PDE8A: variants seen among roughly 807,000 people sequenced by gnomAD.
PDE8A encodes phosphodiesterase 8A, also known as high affinity cAMP-specific and IBMX-insensitive 3',5'-cyclic phosphodiesterase 8A.
In PDE8A, 59 loss-of-function variants were observed where a neutral mutation model predicts 105.0. The observed-to-expected ratio is 0.56, with a 90% CI of 0.46 to 0.70. The LOEUF (loss-of-function observed/expected upper bound fraction) is 0.70, where lower values mean the gene tolerates loss of function less well. PDE8A is among the 30% of genes least tolerant of loss of function. PDE8A has a pLI of 0.00. For synonymous variants in PDE8A, 355 were observed against 371.9 expected (o/e 0.95, Z 0.52); for missense variants, 1,014 against 1,045.9 (o/e 0.97, Z 0.42).
intron 1 of PDE8A, among the ~76,000 whole-genome samples, chr15:85,033,913 TA>T (rs1649173345): frequency 6.6e-6 from 1 of 151,950 alleles, no homozygotes; most frequent in African/African-American, 2.4e-5. Context: ...AGGAAACAAA[TA>T]GTGGAGAAAA....
At chr15:85,136,486 A>C in intron 20 of PDE8A, 48 bp from the exon 21 acceptor site, 2 of 1,583,572 alleles carry the variant, frequency 1.3e-6, no homozygotes, top group Non-Finnish European at 1.7e-6. Flanking sequence ...CCCTAGGTGG[A>C]GTGGAACCAG....
intron 1 of PDE8A, among the ~76,000 whole-genome samples, chr15:85,033,790 G>A (rs2080656677): frequency 6.6e-6 from 1 of 152,144 alleles, no homozygotes; most frequent in Admixed American, 6.5e-5. Context: ...GCTTGAACCT[G>A]GGAGGCAGAG....
chr15:84,988,941 G>A (rs2079844829), intron 1 of PDE8A, among the ~76,000 whole-genome samples: 1 of 152,208 alleles, frequency 6.6e-6, no homozygotes, highest in East Asian at 1.9e-4. Flanking sequence ...CATGTTCCAC[G>A]AGTCTATCTC....
Position 85,138,051 on chromosome 15 carries a change from C to A in PDE8A, c.*148C>A, listed in dbSNP as rs899303823. 3.5e-6 allele frequency: 2 copies of A among 571,286 alleles called. No homozygotes were observed. The highest frequency in any genetic ancestry group is 6.3e-6 in the Non-Finnish European group (2 of 318,718). 35.4% of individuals were successfully genotyped at this position (571,286 alleles called of 1,614,324 possible). Reference sequence around the variant, plus strand: ...TGAAAGCCCACGGGGACATCAGTAACCTTCTGCAGCCACCATCCAATGCCA... The same window carrying A: ...TGAAAGCCCACGGGGACATCAGTAAACTTCTGCAGCCACCATCCAATGCCA... On this transcript the variant is annotated 3_prime_UTR_variant, in exon 22 of 22. Coordinates refer to ENST00000394553, the MANE Select transcript of PDE8A (RefSeq NM_002605.3).
At chr15:85,082,272 A>G (rs1400280413) in intron 5 of PDE8A, among the ~76,000 whole-genome samples, 1 of 152,140 alleles carries the variant, frequency 6.6e-6, no homozygotes, top group South Asian at 2.1e-4. Flanking sequence ...GCCTATAGGT[A>G]TAAGGTTTAT....
chr15:85,106,186 C>G (rs555141316), intron 11 of PDE8A, among the ~76,000 whole-genome samples: 41 of 152,188 alleles, frequency 2.7e-4, no homozygotes, highest in Non-Finnish European at 5.0e-4. Context: ...ACTGCTCCAT[C>G]TGCACAAGCA....
rs143386702 is a variant in PDE8A at position 85,126,335 on chromosome 15, C to T, written c.2214C>T (p.Ile738=). The change falls in exon 20 of 22, where the codon ATC becomes ATT. Residue 738 remains isoleucine (I), a synonymous_variant. Transcript: ENST00000394553. ...SNPCRPLQYC[I]EWAARISEEY... is the part of the protein sequence containing the mutation. ...CCTGCCGACCCCTGCAGTACTGCAT[C>T]GAGTGGGCTGCACGCATTTCGGAAG... The T allele has an allele frequency of 1.2e-4, 188 of 1,604,680 alleles. No homozygotes were observed. The African/African-American group carries it at 1.7e-3, about 15-fold the overall frequency.
chr15:85,020,820 C>T (rs2080413204), intron 1 of PDE8A, among the ~76,000 whole-genome samples: 1 of 152,096 alleles, frequency 6.6e-6, no homozygotes, highest in Admixed American at 6.5e-5. Flanking sequence ...CCCGATGCCC[C>T]TTTACATCCC....
At chr15:85,050,247 T>A (rs2080951962) in intron 1 of PDE8A, among the ~76,000 whole-genome samples, 1 of 152,230 alleles carries the variant, frequency 6.6e-6, no homozygotes, top group Non-Finnish European at 1.5e-5. Flanking sequence ...GCAATTACTT[T>A]TTCCAGTTCT....
chr15:85,136,506 T>C (rs1482223893), intron 20 of PDE8A, 28 bp from the exon 21 acceptor site: 5 of 1,599,190 alleles, frequency 3.1e-6, no homozygotes, highest in Admixed American at 3.4e-5. Context: ...GATGTTGGGG[T>C]CTCCTGATCA....
At chr15:85,058,206 G>A (rs957722100) in intron 1 of PDE8A, among the ~76,000 whole-genome samples, 3 of 152,080 alleles carry the variant, frequency 2.0e-5, no homozygotes, top group African/African-American at 7.2e-5. Flanking sequence ...TTAGCCTCCT[G>A]AGTAGCTACG....
At chr15:85,057,312 G>T (rs1188986959) in intron 1 of PDE8A, among the ~76,000 whole-genome samples, 1 of 152,148 alleles carries the variant, frequency 6.6e-6, no homozygotes, top group Non-Finnish European at 1.5e-5. Flanking sequence ...CTCCGTGCTG[G>T]GAGGACCACT....
At chr15:85,111,869 C>T (rs2082025381) in intron 12 of PDE8A, among the ~76,000 whole-genome samples, 1 of 152,170 alleles carries the variant, frequency 6.6e-6, no homozygotes, top group Non-Finnish European at 1.5e-5. Context: ...CAGTGTTTTA[C>T]ATTTTTGTTG....
intron 13 of PDE8A, 59 bp downstream of exon 13, chr15:85,113,506 A>G: frequency 2.8e-6 from 4 of 1,405,710 alleles, no homozygotes; most frequent in Admixed American, 1.7e-5. Flanking sequence ...CTCCCCAAGG[A>G]TCATTTCCAA....
intron 12 of PDE8A, among the ~76,000 whole-genome samples, chr15:85,110,265 G>A (rs1005341480): frequency 1.3e-5 from 2 of 152,140 alleles, no homozygotes; most frequent in Admixed American, 6.5e-5. Flanking sequence ...GCTAATGTTT[G>A]TTGATCCTTT....
At chr15:84,995,651 A>G (rs1252059134) in intron 1 of PDE8A, among the ~76,000 whole-genome samples, 2 of 152,114 alleles carry the variant, frequency 1.3e-5, no homozygotes, top group Non-Finnish European at 1.5e-5. Flanking sequence ...TTCTTTCCCT[A>G]AGCGTTATGT....
At chr15:85,028,325 C>T (rs535769794) in intron 1 of PDE8A, among the ~76,000 whole-genome samples, 1 of 152,174 alleles carries the variant, frequency 6.6e-6, no homozygotes, top group East Asian at 1.9e-4. Context: ...AATGATCCTC[C>T]CTCCTAAGCC....
chr15:85,076,678 G>A (rs1481504918), intron 4 of PDE8A, 55 bp from the exon 5 acceptor site: 2 of 1,016,466 alleles, frequency 2.0e-6, no homozygotes, highest in Non-Finnish European at 3.2e-6. Flanking sequence ...AGTAAAAGAG[G>A]TGAGATGTAA....
intron 1 of PDE8A, among the ~76,000 whole-genome samples, chr15:84,991,008 G>A (rs903751757): frequency 1.3e-5 from 2 of 151,762 alleles, no homozygotes; most frequent in Admixed American, 1.3e-4. Flanking sequence ...TTTTCCGTGT[G>A]CTTGTTGTTC....
Sources: gnomAD v4.1 joint callset for allele counts (sites outside exome capture counted in the v4.1 genomes callset) on GRCh38, gnomAD v4.1.1 for gene constraint, MANE v1.5 for transcripts, NCBI Gene and HGNC (gene_info 2026-07-23, HGNC 2026-07-21) for gene names.